TBC1D1: variants seen among roughly 807,000 people sequenced by gnomAD.
The protein encoded by TBC1D1 is TBC1 domain family member 1, also known as TBC1 (tre-2/USP6, BUB2, cdc16) domain family, member 1.
TBC1D1 carries 89 observed loss-of-function variants against 125.6 expected under a neutral mutation model. The ratio of observed to expected loss-of-function variants is 0.71; its 90% CI spans 0.60 to 0.85. The LOEUF (loss-of-function observed/expected upper bound fraction) is 0.85. Among genes scored for constraint, TBC1D1 ranks in the 40% least tolerant of loss-of-function variants. TBC1D1 has a pLI of 0.00. For synonymous variants in TBC1D1, 565 were observed against 564.1 expected (o/e 1.00, Z -0.02); for missense variants, 1,377 against 1,469.2 (o/e 0.94, Z 1.03).
At position 38,014,525 on chromosome 4, in the gene TBC1D1, G is replaced by T. The variant is rs1204128467; in HGVS notation, c.434G>T (p.Ser145Ile). 6.2e-7 allele frequency: 1 copy of T among 1,612,972 alleles called. No individual in the cohort carries two copies. The highest frequency in any genetic ancestry group is 1.7e-5 in the Admixed American group (1 of 60,024). ...TCTCCTCAGGTGCCTGAGATCATCAGCTCCATCCGTCAGGCGGGGAAGATC... is the reference window on the plus strand; with the variant it reads ...TCTCCTCAGGTGCCTGAGATCATCATCTCCATCCGTCAGGCGGGGAAGATC... Residue 145 changes from serine to isoleucine, a missense_variant, in exon 3 of 20, where the codon AGC becomes ATC. Ser to Ile is a moderately radical substitution (Grantham distance 142). Around this residue, in one of 3 missense-constraint regions of TBC1D1, gnomAD observed 822 missense variants for 824.6 expected, o/e 1.00. Transcript: ENST00000261439. This position sits in a 1 kb window ranked among gnomAD's most constrained non-coding sequence, Gnocchi z 5.1.
At chr4:38,001,044 C>T (rs79757784) in intron 2 of TBC1D1, among the ~76,000 whole-genome samples, 13,925 of 152,160 alleles carry the variant, frequency 0.092, 1,296 homozygotes, top group East Asian at 0.47. Context: ...CACGGTGAAA[C>T]TCCGTCTCTA....
At chr4:37,908,872 G>C (rs1034288088) in intron 2 of TBC1D1, among the ~76,000 whole-genome samples, 1 of 152,202 alleles carries the variant, frequency 6.6e-6, no homozygotes. Flanking sequence ...GTGGGAAACA[G>C]ACATGTAGAA....
In TBC1D1 at chr4:37,912,491, G is replaced by A. The variant is rs116358115; in HGVS notation, c.417+9979G>A. On this transcript the variant is annotated intron_variant, in intron 2 of 19. Coordinates refer to ENST00000261439, the MANE Select transcript of TBC1D1 (RefSeq NM_015173.4). ...AAGGGCTAAGGCCAGATTTTACAGG[G>A]CTTTGTATGCCTTGCTGAAGGAGTT... Among the ~76,000 whole-genome samples, 216 of 152,334 alleles carry A rather than the reference G, an allele frequency of 1.4e-3. 3 individuals carry two copies. Among genetic ancestry groups the A allele is most frequent in the African/African-American group, 5.0e-3 (207 of 41,568 alleles).
intron 2 of TBC1D1, among the ~76,000 whole-genome samples, chr4:37,920,237 G>A (rs138274972): frequency 1.3e-5 from 2 of 152,282 alleles, no homozygotes; most frequent in Non-Finnish European, 2.9e-5. Context: ...GTGGGCCCTG[G>A]GGTTGGGGGG....
rs1459057036 is a variant in TBC1D1, at chr4:38,115,775, A to G, written c.2623A>G (p.Asn875Asp). The change falls in exon 16 of 20, where the codon AAC becomes GAC. Residue 875 changes from asparagine (N) to aspartate (D), a missense_variant. Physicochemically the swap from Asn to Asp is conservative, Grantham distance 23. Transcript: ENST00000261439. ...TGGAGCAGGACAGCTATCGCTTTAC[A>G]ACATTTTGAAGGCCTACTCACTTCT... 6.2e-7 allele frequency: 1 copy of G among 1,614,186 alleles called. No individual in the cohort carries two copies. The highest frequency in any genetic ancestry group is 8.5e-7 in the Non-Finnish European group (1 of 1,180,024).
chr4:38,101,157 A>G (rs572110145), intron 14 of TBC1D1, among the ~76,000 whole-genome samples: 2 of 152,316 alleles, frequency 1.3e-5, no homozygotes, highest in African/African-American at 4.8e-5. Context: ...TGCTGCTGCT[A>G]CCTGCCAGAG....
chr4:38,086,699 G>A (rs73241090), intron 12 of TBC1D1, among the ~76,000 whole-genome samples: 3,874 of 152,256 alleles, frequency 0.025, 58 homozygotes, highest in Non-Finnish European at 0.04. Context: ...ATGAGCCGAC[G>A]TGCTAGCAAG....
chr4:38,058,625 C>T (rs1024627030), intron 12 of TBC1D1, among the ~76,000 whole-genome samples: 4 of 152,192 alleles, frequency 2.6e-5, no homozygotes, highest in African/African-American at 7.2e-5. Context: ...TATATTCTGG[C>T]AGTGCAAACT....
At chr4:37,904,850 G>A (rs960945865) in intron 2 of TBC1D1, among the ~76,000 whole-genome samples, 6 of 152,198 alleles carry the variant, frequency 3.9e-5, no homozygotes, top group African/African-American at 7.2e-5. Flanking sequence ...TGCTAACAGC[G>A]TGATAGATTT....
chr4:38,130,826 A>G (rs1400910001), intron 18 of TBC1D1, among the ~76,000 whole-genome samples: 1 of 152,254 alleles, frequency 6.6e-6, no homozygotes, highest in Non-Finnish European at 1.5e-5. Flanking sequence ...ATCTGAGACA[A>G]CATACCAAAG....
At chr4:37,902,959 G>T (rs1384529103) in intron 2 of TBC1D1, among the ~76,000 whole-genome samples, 1 of 152,224 alleles carries the variant, frequency 6.6e-6, no homozygotes, top group Non-Finnish European at 1.5e-5. Flanking sequence ...TTTGCAGGTT[G>T]CACTTTGAGT....
At chr4:37,960,391 CG>C in intron 2 of TBC1D1, 2 of 1,511,360 alleles carry the variant, frequency 1.3e-6, no homozygotes, top group Non-Finnish European at 1.8e-6. Context: ...AGTGGGACCA[CG>C]GTCTTAGATG....
chr4:38,043,583 C>A (rs373297366), intron 8 of TBC1D1, among the ~76,000 whole-genome samples: 90 of 115,526 alleles, frequency 7.8e-4, no homozygotes, highest in African/African-American at 2.8e-3. Context: ...ACCCTGGCAC[C>A]CTGTCTCAAA....
In TBC1D1 at chr4:37,995,923, T is replaced by A; in HGVS notation, c.418-18586T>A. The A allele has an allele frequency of 1.7e-6, 1 of 579,496 alleles. No individual in the cohort carries two copies. The highest frequency in any genetic ancestry group is 1.4e-5 in the South Asian group (1 of 72,826). The allele number at this position is 579,496 out of a possible 1,614,324, so 35.9% of individuals were successfully genotyped here. On this transcript the variant is annotated intron_variant, in intron 2 of 19. Transcript: ENST00000261439. This position sits in a 1 kb window ranked among gnomAD's most constrained non-coding sequence, Gnocchi z 4.3. ...GCAAGCAGCGACAGGACCTTCTCAT[T>A]CCCAGGGAGAAATCCACACTCAAGG...
intron 19 of TBC1D1, among the ~76,000 whole-genome samples, chr4:38,134,797 A>G (rs147145418): frequency 2.1e-4 from 32 of 152,340 alleles, no homozygotes; most frequent in African/African-American, 7.2e-4. Flanking sequence ...ACATTCCTCA[A>G]TAAAGGCATC....
At chr4:38,135,912 G>GTA (rs1560284445) in intron 19 of TBC1D1, among the ~76,000 whole-genome samples, 6 of 109,822 alleles carry the variant, frequency 5.5e-5, no homozygotes, top group Non-Finnish European at 9.7e-5. Flanking sequence ...GTATATATAC[G>GTA]TGTGTGTGTA....
chr4:37,961,038 T>C, intron 2 of TBC1D1: 14 of 1,612,188 alleles, frequency 8.7e-6, no homozygotes, highest in Non-Finnish European at 1.2e-5. Flanking sequence ...ATGACATAGA[T>C]ATTTAAATTT....
intron 17 of TBC1D1, among the ~76,000 whole-genome samples, chr4:38,124,337 C>T (rs892390818): frequency 6.6e-6 from 1 of 152,192 alleles, no homozygotes; most frequent in Non-Finnish European, 1.5e-5. Flanking sequence ...ATAGAAGTTG[C>T]ATCCATTTGC....
chr4:38,069,306 G>C (rs913855201), intron 12 of TBC1D1, among the ~76,000 whole-genome samples: 1 of 152,130 alleles, frequency 6.6e-6, no homozygotes, highest in Non-Finnish European at 1.5e-5. Flanking sequence ...GTTTAATCAG[G>C]TTTCAGCTCC....
Sources: allele counts gnomAD v4.1 joint callset (sites outside exome capture counted in the v4.1 genomes callset), GRCh38; gene constraint gnomAD v4.1.1; regional missense constraint gnomAD v4.1.1; non-coding constraint Gnocchi (gnomAD v3.1); transcripts MANE v1.5; gene names NCBI Gene and HGNC (gene_info 2026-07-23, HGNC 2026-07-21).